Variants in AKT3 observed in about 807,000 individuals in gnomAD.
AKT3 encodes the protein RAC-gamma serine/threonine-protein kinase.
AKT3 carries 15 observed loss-of-function variants against 65.3 expected under a neutral mutation model. The ratio of observed to expected loss-of-function variants is 0.23; its 90% CI spans 0.15 to 0.35. The LOEUF (loss-of-function observed/expected upper bound fraction) is 0.35. Ranked by LOEUF, AKT3 falls within the 10% of genes least tolerant of loss-of-function variation. AKT3 has a pLI of 1.00. For synonymous variants in AKT3, 206 were observed against 183.8 expected, an observed-to-expected ratio of 1.12 and a Z score of -0.98; for missense variants, 243 against 576.5, an observed-to-expected ratio of 0.42 and a Z score of 5.92.
chr1:243,628,218 G>A (rs750390449), intron 6 of AKT3, among the ~76,000 whole-genome samples: 4 of 152,128 alleles, frequency 2.6e-5, no homozygotes, highest in Non-Finnish European at 5.9e-5. Context: ...ACACTCTAAC[G>A]AGTACCAATA....
At chr1:243,777,684 A>T (rs1371978157) in intron 2 of AKT3, among the ~76,000 whole-genome samples, 1 of 152,062 alleles carries the variant, frequency 6.6e-6, no homozygotes, top group Non-Finnish European at 1.5e-5. Flanking sequence ...TCCTTTTTTG[A>T]TCCCATATTC....
intron 2 of AKT3, chr1:243,794,550 C>G (rs1448399677): frequency 6.6e-6 from 1 of 152,194 alleles, no homozygotes; most frequent in Admixed American, 6.5e-5. Flanking sequence ...TTCATATTTT[C>G]TTTTATAACA....
At chr1:243,680,656 C>G (rs1456087124) in intron 3 of AKT3, among the ~76,000 whole-genome samples, 1 of 151,990 alleles carries the variant, frequency 6.6e-6, no homozygotes, top group East Asian at 1.9e-4. Flanking sequence ...TGTATCAACT[C>G]AGAGGAAGCA....
chr1:243,750,439 G>A (rs992108865), intron 2 of AKT3, among the ~76,000 whole-genome samples: 7 of 150,268 alleles, frequency 4.7e-5, no homozygotes, highest in Non-Finnish European at 1.0e-4. Flanking sequence ...ACACACGCAC[G>A]CACGCACACA....
At chr1:243,615,011 AG>A (rs1678190625) in intron 7 of AKT3, 84 bp downstream of exon 7, 3 of 950,244 alleles carry the variant, frequency 3.2e-6, no homozygotes, top group Non-Finnish European at 4.9e-6. Flanking sequence ...CTAAATGAAT[AG>A]TATTTTTCAC....
chr1:243,493,865 C>A (rs560256244), intron 13 of AKT3, among the ~76,000 whole-genome samples: 1 of 151,776 alleles, frequency 6.6e-6, no homozygotes, highest in South Asian at 2.1e-4. Flanking sequence ...GGAGGAAAGG[C>A]CCATTGCAAC....
At chr1:243,623,130 G>T (rs1440328371) in intron 6 of AKT3, among the ~76,000 whole-genome samples, 1 of 152,166 alleles carries the variant, frequency 6.6e-6, no homozygotes, top group Non-Finnish European at 1.5e-5. Flanking sequence ...CATGGTACCA[G>T]TTTGACTAGA....
chr1:243,561,269 T>C (rs975018144), intron 10 of AKT3, among the ~76,000 whole-genome samples: 4 of 152,174 alleles, frequency 2.6e-5, no homozygotes, highest in Admixed American at 2.0e-4. Context: ...GGAATGCTAG[T>C]ATCATTGGGG....
intron 2 of AKT3, among the ~76,000 whole-genome samples, chr1:243,839,824 T>TTTG (rs781578581): frequency 1.3e-5 from 2 of 151,516 alleles, no homozygotes; most frequent in Admixed American, 6.6e-5. Flanking sequence ...ATATCAATTT[T>TTTG]TTGTTGTTGT....
chr1:243,610,138 C>G (rs1426845117), intron 8 of AKT3, among the ~76,000 whole-genome samples: 3 of 152,174 alleles, frequency 2.0e-5, no homozygotes, highest in Non-Finnish European at 2.9e-5. Context: ...ATATCCTCTC[C>G]TAAATTTACA....
At chr1:243,583,195 T>TATATATATATATATACAC (rs759291565) in intron 8 of AKT3, among the ~76,000 whole-genome samples, 7 of 88,324 alleles carry the variant, frequency 7.9e-5, no homozygotes, top group African/African-American at 2.6e-4. Context: ...TATATATATA[T>TATATATATATATATACAC]ACACACACAC....
At chr1:243,802,809 C>T (rs895168412) in intron 2 of AKT3, among the ~76,000 whole-genome samples, 1 of 152,198 alleles carries the variant, frequency 6.6e-6, no homozygotes, top group Non-Finnish European at 1.5e-5. Flanking sequence ...ACTTCATTCA[C>T]ATCCAGTGCT....
At chr1:243,682,304 A>C (rs563376131) in intron 3 of AKT3, among the ~76,000 whole-genome samples, 2 of 152,116 alleles carry the variant, frequency 1.3e-5, no homozygotes, top group Non-Finnish European at 2.9e-5. Flanking sequence ...TACATACAAG[A>C]AGGCAAATTT....
intron 2 of AKT3, among the ~76,000 whole-genome samples, chr1:243,733,548 A>AT (rs1475723074): frequency 6.6e-6 from 1 of 152,232 alleles, no homozygotes; most frequent in Non-Finnish European, 1.5e-5. Flanking sequence ...CAGAATGCCA[A>AT]TAAGTATAAG....
At chr1:243,650,790 G>A (rs1681247704) in intron 4 of AKT3, among the ~76,000 whole-genome samples, 1 of 152,170 alleles carries the variant, frequency 6.6e-6, no homozygotes, top group African/African-American at 2.4e-5. Context: ...GTAGCATGCT[G>A]TTTTTGTTAC....
chr1:243,762,213 T>C (rs940921312), intron 2 of AKT3, among the ~76,000 whole-genome samples: 1 of 151,974 alleles, frequency 6.6e-6, no homozygotes, highest in Non-Finnish European at 1.5e-5. Flanking sequence ...AATAATCATT[T>C]ATTCTGTTTA....
At chr1:243,759,430 C>T (rs1572292619) in intron 2 of AKT3, among the ~76,000 whole-genome samples, 1 of 151,694 alleles carries the variant, frequency 6.6e-6, no homozygotes, top group Non-Finnish European at 1.5e-5. Context: ...TCATGACAGC[C>T]AGTCCTATAT....
At chr1:243,692,629 T>C (rs1005854003) in intron 3 of AKT3, among the ~76,000 whole-genome samples, 3 of 151,876 alleles carry the variant, frequency 2.0e-5, no homozygotes, top group South Asian at 2.1e-4. Flanking sequence ...TCCCAGCTAC[T>C]TGGGAGGCTG....
chr1:243,765,084 CTG>C (rs1288977399), intron 2 of AKT3, among the ~76,000 whole-genome samples: 1 of 151,898 alleles, frequency 6.6e-6, no homozygotes, highest in African/African-American at 2.4e-5. Context: ...CATTTCACGG[CTG>C]TGTTTAGGGT....
Sources: allele counts gnomAD v4.1 joint callset (sites outside exome capture counted in the v4.1 genomes callset), GRCh38; gene constraint gnomAD v4.1.1; transcripts MANE v1.5; gene names NCBI Gene and HGNC (gene_info 2026-07-23, HGNC 2026-07-21).